MID1: variants seen among roughly 807,000 people sequenced by gnomAD.
MID1 encodes midline 1, also known as E3 ubiquitin-protein ligase Midline-1.
A neutral mutation model predicts 40.4 loss-of-function variants in MID1; 7 were observed. The ratio of observed to expected loss-of-function variants is 0.17; its 90% CI spans 0.10 to 0.33. The LOEUF (loss-of-function observed/expected upper bound fraction) is 0.33. Ranked by LOEUF, MID1 falls within the 10% of genes least tolerant of loss-of-function variation. MID1 has a pLI of 1.00. For missense variants in MID1, 367 were observed against 558.5 expected (o/e 0.66, Z 3.46); for synonymous variants, 229 against 221.2 (o/e 1.04, Z -0.31).
At chrX:10,516,623 C>T (rs952789850) in intron 3 of MID1, among the ~76,000 whole-genome samples, 8 of 101,107 alleles carry the variant, frequency 7.9e-5, no homozygotes, top group African/African-American at 2.3e-4. Context: ...CGCGCGCACG[C>T]GTGTGTTTTA....
At chrX:10,745,180 A>G (rs1173783072) in intron 1 of MID1, among the ~76,000 whole-genome samples, 1 of 112,659 alleles carries the variant, frequency 8.9e-6, no homozygotes, top group Non-Finnish European at 1.9e-5. Context: ...GATCTAGAGG[A>G]TGTTTAGATG....
chrX:10,449,645 G>A lies in MID1; in HGVS notation c.1727C>T (p.Ala576Val), dbSNP rs773980150. Residue 576 changes from alanine to valine, a missense_variant, in exon 10 of 10, where the codon GCG (alanine) becomes GTG (valine). This residue lies in a region of MID1 where 275 missense variants were observed against 383.1 expected (regional missense o/e 0.72). Coordinates refer to ENST00000317552, the MANE Select transcript of MID1 (RefSeq NM_000381.4). ...CCAGTTATTGTTGCAGCGGCAGAGC[G>A]CCCAGGAAGCAGAGTTCTTCCCAAT... ...EWIGKNSASWALCRCNNNWVV... is the reference protein window; with the variant it reads ...EWIGKNSASWVLCRCNNNWVV... 3 of 1,211,408 alleles carry A rather than the reference G, an allele frequency of 2.5e-6. No individual in the cohort carries two copies. Among genetic ancestry groups the A allele is most frequent in the Non-Finnish European group, 1.1e-6 (1 of 895,322 alleles).
At chrX:10,742,741 C>T (rs2043531866) in intron 1 of MID1, among the ~76,000 whole-genome samples, 1 of 112,485 alleles carries the variant, frequency 8.9e-6, no homozygotes, top group South Asian at 3.7e-4. Context: ...TGTTGCATTT[C>T]AAATATCCAG....
intron 1 of MID1, among the ~76,000 whole-genome samples, chrX:10,642,072 C>T (rs1189628595): frequency 1.8e-5 from 2 of 111,911 alleles, no homozygotes; most frequent in African/African-American, 6.5e-5. Flanking sequence ...ACTGAATGGG[C>T]AAAAACTGGA....
At chrX:10,666,816 T>C (rs1384701329) in intron 1 of MID1, among the ~76,000 whole-genome samples, 1 of 111,666 alleles carries the variant, frequency 9.0e-6, no homozygotes, top group Non-Finnish European at 1.9e-5. Context: ...GAGCTTTTCA[T>C]AGGTGGCCAC....
intron 1 of MID1, among the ~76,000 whole-genome samples, chrX:10,765,973 AAGAAAGAAAGAAAG>A (rs1412009212): frequency 1.8e-3 from 194 of 106,875 alleles, no homozygotes; most frequent in Non-Finnish European, 3.2e-3. Context: ...GAAAGAAAGA[AAGAAAGAAAGAAAG>A]AAAGAAAGAA....
intron 2 of MID1, among the ~76,000 whole-genome samples, chrX:10,524,953 T>C (rs1359870147): frequency 8.9e-6 from 1 of 111,995 alleles, no homozygotes; most frequent in African/African-American, 3.2e-5. Context: ...AGGGAAACTG[T>C]GTTTTAGCAT....
intron 1 of MID1, among the ~76,000 whole-genome samples, chrX:10,646,543 G>A (rs895400842): frequency 1.8e-5 from 2 of 111,321 alleles, no homozygotes; most frequent in African/African-American, 6.5e-5. Flanking sequence ...CATAGGGGAA[G>A]GAAATTTTCG....
chrX:10,470,077 G>C (rs1408254930), intron 6 of MID1, among the ~76,000 whole-genome samples: 1 of 112,375 alleles, frequency 8.9e-6, no homozygotes, highest in African/African-American at 3.2e-5. Context: ...ATGAGATCAT[G>C]AGAATATGTT....
intron 1 of MID1, among the ~76,000 whole-genome samples, chrX:10,737,071 C>T (rs2043492791): frequency 1.8e-5 from 2 of 111,993 alleles, no homozygotes; most frequent in African/African-American, 3.2e-5. Context: ...TACATACGCA[C>T]ATTCTTATAA....
At chrX:10,509,082 C>T (rs1387872033) in intron 3 of MID1, among the ~76,000 whole-genome samples, 1 of 111,408 alleles carries the variant, frequency 9.0e-6, no homozygotes, top group African/African-American at 3.3e-5. Context: ...GTAAAAGTTA[C>T]AATGGCAGTA....
At chrX:10,745,497 T>C in intron 1 of MID1, among the ~76,000 whole-genome samples, 1 of 112,386 alleles carries the variant, frequency 8.9e-6, no homozygotes, top group East Asian at 2.8e-4. Flanking sequence ...TTCAATTGCC[T>C]AGATGTTCCA....
chrX:10,819,969 C>T (rs1275599275), intron 1 of MID1, among the ~76,000 whole-genome samples: 1 of 111,869 alleles, frequency 8.9e-6, no homozygotes, highest in East Asian at 2.8e-4. Flanking sequence ...CTTCTCAAAT[C>T]TGGGATCATA....
intron 1 of MID1, among the ~76,000 whole-genome samples, chrX:10,699,436 A>C (rs768619333): frequency 8.9e-6 from 1 of 112,267 alleles, no homozygotes; most frequent in African/African-American, 3.2e-5. Context: ...TATTTTCTAT[A>C]AGGAGTTGTC....
intron 1 of MID1, among the ~76,000 whole-genome samples, chrX:10,703,550 C>T (rs1401109552): frequency 9.0e-6 from 1 of 110,894 alleles, no homozygotes; most frequent in Non-Finnish European, 1.9e-5. Flanking sequence ...ACCCATAGTC[C>T]CAGCTACTCG....
At chrX:10,740,745 CTTATTA>C (rs1175243496) in intron 1 of MID1, among the ~76,000 whole-genome samples, 2 of 110,678 alleles carry the variant, frequency 1.8e-5, no homozygotes, top group African/African-American at 6.6e-5. Flanking sequence ...CCCACCTGCA[CTTATTA>C]TTATTATTGT....
chrX:10,511,194 C>T (rs1409595094), intron 3 of MID1, among the ~76,000 whole-genome samples: 1 of 104,059 alleles, frequency 9.6e-6, no homozygotes. Flanking sequence ...TGCAGTGAGC[C>T]GAGATGACAC....
chrX:10,814,576 G>GGTGTGT (rs60218622), intron 1 of MID1, among the ~76,000 whole-genome samples: 4 of 101,982 alleles, frequency 3.9e-5, no homozygotes, highest in Non-Finnish European at 7.9e-5. Context: ...TGCTTGTACT[G>GGTGTGT]GTGTGTGTGT....
chrX:10,729,093 G>T (rs1035704631), intron 1 of MID1, among the ~76,000 whole-genome samples: 1 of 111,806 alleles, frequency 8.9e-6, no homozygotes, highest in Non-Finnish European at 1.9e-5. Flanking sequence ...CCCTTTGTGA[G>T]TCCCTAATGA....
Sources: gnomAD v4.1 joint callset for allele counts (sites outside exome capture counted in the v4.1 genomes callset) on GRCh38, gnomAD v4.1.1 for gene constraint, gnomAD v4.1.1 regional missense constraint, MANE v1.5 for transcripts, NCBI Gene and HGNC (gene_info 2026-07-23, HGNC 2026-07-21) for gene names.